Variants in PAG1 observed in about 807,000 individuals in gnomAD.
PAG1 encodes the protein phosphoprotein associated with glycosphingolipid-enriched microdomains 1.
In PAG1, 23 loss-of-function variants were observed where a neutral mutation model predicts 31.7. The observed-to-expected ratio is 0.73, with a 90% CI of 0.52 to 1.03. The LOEUF is 1.03. Among genes scored for constraint, PAG1 ranks in the 50% least tolerant of loss-of-function variants. The probability of loss-of-function intolerance (pLI) is 0.00; values close to 1 mark genes in which losing one functional copy is unlikely to be tolerated. For synonymous variants in PAG1, 214 were observed against 210.3 expected (o/e 1.02, Z -0.15); for missense variants, 473 against 540.7 (o/e 0.87, Z 1.24).
chr8:81,065,286 C>T (rs1227963014), intron 2 of PAG1, among the ~76,000 whole-genome samples: 2 of 152,192 alleles, frequency 1.3e-5, no homozygotes, highest in African/African-American at 4.8e-5. Flanking sequence ...AAATAATCCT[C>T]ACTTCTGCAT....
chr8:80,988,845 G>C (rs1468374810), intron 5 of PAG1, among the ~76,000 whole-genome samples: 1 of 152,330 alleles, frequency 6.6e-6, no homozygotes, highest in South Asian at 2.1e-4. Context: ...AGAATGTGTA[G>C]ATGCTACCTA....
Position 81,044,300 on chromosome 8 carries a change from T to G in PAG1, c.-174-14211A>C, listed in dbSNP as rs375097404. On this transcript the variant is annotated intron_variant, in intron 2 of 8. Coordinates refer to ENST00000220597, the MANE Select transcript of PAG1 (RefSeq NM_018440.4). ...AAAATGAGGTCATTAGGGTAAGCCCTAACCCATTAGGATTGATGTCCTTAC... is the reference window on the plus strand; with the variant it reads ...AAAATGAGGTCATTAGGGTAAGCCCGAACCCATTAGGATTGATGTCCTTAC... Among the ~76,000 whole-genome samples the G allele has an allele frequency of 5.9e-5, 9 of 152,330 alleles. No individual in the cohort carries two copies. The East Asian group carries it at 9.6e-4, about 16-fold the overall frequency.
chr8:80,985,857 T>C (rs1349839997), intron 6 of PAG1, among the ~76,000 whole-genome samples: 1 of 152,206 alleles, frequency 6.6e-6, no homozygotes, highest in East Asian at 1.9e-4. Flanking sequence ...TAATAGAAAC[T>C]ACAGGGCAAA....
intron 5 of PAG1, among the ~76,000 whole-genome samples, chr8:80,989,258 A>G (rs1807488698): frequency 6.6e-6 from 1 of 152,210 alleles, no homozygotes; most frequent in Admixed American, 6.5e-5. Context: ...GGAACTTGCA[A>G]TGCAGGTGCT....
intron 1 of PAG1, among the ~76,000 whole-genome samples, chr8:81,081,804 G>A (rs554144286): frequency 3.9e-5 from 6 of 152,182 alleles, no homozygotes; most frequent in South Asian, 4.2e-4. Flanking sequence ...TGGATGTACC[G>A]GTTTGTTCAG....
chr8:81,035,924 G>A (rs1808455408), intron 2 of PAG1, among the ~76,000 whole-genome samples: 1 of 151,560 alleles, frequency 6.6e-6, no homozygotes, highest in African/African-American at 2.4e-5. Flanking sequence ...TATATACACA[G>A]TTATAAACAC....
intron 1 of PAG1, among the ~76,000 whole-genome samples, chr8:81,074,101 T>C (rs182333791): frequency 6.6e-6 from 1 of 151,992 alleles, no homozygotes; most frequent in African/African-American, 2.4e-5. Context: ...AGAATGAGGA[T>C]GGAGAGGGAG....
intron 1 of PAG1, among the ~76,000 whole-genome samples, chr8:81,072,653 A>G (rs1809113507): frequency 6.6e-6 from 1 of 152,190 alleles, no homozygotes; most frequent in South Asian, 2.1e-4. Context: ...GCAGTGATCT[A>G]TGTTGTGCCA....
At chr8:81,079,330 AAAAAAC>A (rs1809228718) in intron 1 of PAG1, among the ~76,000 whole-genome samples, 1 of 152,168 alleles carries the variant, frequency 6.6e-6, no homozygotes, top group African/African-American at 2.4e-5. Context: ...CTCGACTGGA[AAAAAAC>A]AAAAACAAAA....
rs1278905200 is a variant in PAG1 at position 80,974,154 on chromosome 8, T to TG, written c.*2389_*2390insC. The TG allele has an allele frequency of 2.0e-5, 2 of 102,334 alleles. No individual in the cohort carries two copies. Among genetic ancestry groups the TG allele is most frequent in the Admixed American group, 9.8e-5 (1 of 10,226 alleles). 6.3% of individuals were successfully genotyped at this position (102,334 alleles called of 1,614,324 possible). ...TATTTATGAGCTTTCTATAAAAAGT[T>TG]TTTTTTTTTTTTTTTTTTTTACTTT... On this transcript the variant is annotated 3_prime_UTR_variant, in exon 9 of 9. Coordinates refer to ENST00000220597, the MANE Select transcript of PAG1 (RefSeq NM_018440.4).
rs181378955 is a variant in PAG1, at chr8:81,020,409, C to A, written c.-81+9587G>T. ...CCCATGATTCCTACATGTTGTGGAC[C>A]TGGTGGGAAGAGATTGAATCATGGG... On this transcript the variant is annotated intron_variant, in intron 3 of 8. Transcript: ENST00000220597. 2.0e-5 allele frequency among the ~76,000 whole-genome samples: 3 copies of A among 152,290 alleles called. No homozygotes were observed. The East Asian group carries it at 5.8e-4, about 29-fold the overall frequency.
intron 3 of PAG1, 48 bp from the exon 4 acceptor site, chr8:80,993,355 C>T: frequency 5.1e-6 from 5 of 971,828 alleles, no homozygotes; most frequent in Non-Finnish European, 5.9e-6. Context: ...GGTAAAGTGG[C>T]AGAATCTGTA....
chr8:81,005,924 T>C (rs1218289715), intron 3 of PAG1, among the ~76,000 whole-genome samples: 1 of 152,214 alleles, frequency 6.6e-6, no homozygotes, highest in African/African-American at 2.4e-5. Flanking sequence ...CAAGAATCTA[T>C]ATTTTAATTT....
intron 1 of PAG1, among the ~76,000 whole-genome samples, chr8:81,086,564 AT>A (rs1476023291): frequency 1.3e-5 from 2 of 152,130 alleles, no homozygotes; most frequent in African/African-American, 4.8e-5. Context: ...AAAAGAAAAA[AT>A]ATTTGAAACA....
chr8:80,984,729 AC>A (rs1464618696), intron 7 of PAG1, 46 bp downstream of exon 7: 15 of 1,566,694 alleles, frequency 9.6e-6, no homozygotes, highest in Non-Finnish European at 1.2e-5. Flanking sequence ...TAGATTCCTA[AC>A]CAGAACAGGA....
chr8:81,043,770 C>A (rs74633717), intron 2 of PAG1, among the ~76,000 whole-genome samples: 2,605 of 152,288 alleles, frequency 0.017, 76 homozygotes, highest in African/African-American at 0.06. Context: ...CTGCTCCTTA[C>A]TGACCTAAAA....
rs143367813 is a variant in PAG1 at position 81,036,715 on chromosome 8, G to A, written c.-174-6626C>T. Among the ~76,000 whole-genome samples, 868 of 152,262 alleles carry A rather than the reference G, an allele frequency of 5.7e-3. 7 individuals are homozygous for A. Among genetic ancestry groups the A allele is most frequent in the African/African-American group, 0.02 (820 of 41,548 alleles). ...TCAGCCGCTCTTCTCCCCCTGCTAA[G>A]CTCCCTCATGTTTCCTGGGGCTGCT... On this transcript the variant is annotated intron_variant, in intron 2 of 8. Transcript: ENST00000220597.
At chr8:81,098,458 G>A (rs909842438) in intron 1 of PAG1, among the ~76,000 whole-genome samples, 3 of 152,052 alleles carry the variant, frequency 2.0e-5, no homozygotes, top group Non-Finnish European at 2.9e-5. Flanking sequence ...TCTCCTCCCT[G>A]GTTTGACACT....
At chr8:80,983,682 G>T (rs1452948461) in intron 7 of PAG1, among the ~76,000 whole-genome samples, 1 of 152,152 alleles carries the variant, frequency 6.6e-6, no homozygotes, top group African/African-American at 2.4e-5. Context: ...ACTAGCAATG[G>T]TTAGACAACT....
Sources: allele counts gnomAD v4.1 joint callset (sites outside exome capture counted in the v4.1 genomes callset), GRCh38; gene constraint gnomAD v4.1.1; transcripts MANE v1.5; gene names NCBI Gene and HGNC (gene_info 2026-07-23, HGNC 2026-07-21).